Variants in HIP1 observed in about 807,000 individuals in gnomAD.
The protein encoded by HIP1 is huntingtin-interacting protein 1.
HIP1 carries 65 observed loss-of-function variants against 147.6 expected under a neutral mutation model. The ratio of observed to expected loss-of-function variants is 0.44; its 90% CI spans 0.36 to 0.54. The LOEUF is 0.54. Among genes scored for constraint, HIP1 ranks in the 20% least tolerant of loss-of-function variants. The pLI, the probability that HIP1 is intolerant of heterozygous loss-of-function variation, is 0.00. For synonymous variants in HIP1, 479 were observed against 504.0 expected (o/e 0.95, Z 0.67); for missense variants, 1,061 against 1,299.6 (o/e 0.82, Z 2.82).
At chr7:75,680,910 G>T (rs1554516778) in intron 1 of HIP1, among the ~76,000 whole-genome samples, 9 of 152,092 alleles carry the variant, frequency 5.9e-5, no homozygotes, top group Non-Finnish European at 2.9e-5. Context: ...CGAGTAGCTG[G>T]GACTACAGGC....
intron 5 of HIP1, 26 bp downstream of exon 5, chr7:75,586,727 C>T (rs369973011): frequency 1.9e-5 from 29 of 1,512,442 alleles, no homozygotes; most frequent in African/African-American, 5.5e-5. Flanking sequence ...GCGGCGGTGG[C>T]GGCAGAACTG....
At chr7:75,627,942 C>T (rs1303751153) in intron 1 of HIP1, among the ~76,000 whole-genome samples, 3 of 152,140 alleles carry the variant, frequency 2.0e-5, no homozygotes, top group Non-Finnish European at 4.4e-5. Context: ...AGGATTTCAG[C>T]CAGACTGTAA....
At chr7:75,586,721 CG>C (rs1554499699) in intron 5 of HIP1, 31 bp downstream of exon 5, 1 of 1,410,984 alleles carries the variant, frequency 7.1e-7, no homozygotes. Flanking sequence ...GGGGAGGCGG[CG>C]GTGGCGGCAG....
chr7:75,737,627 T>C (rs1802067807), intron 1 of HIP1, among the ~76,000 whole-genome samples: 2 of 152,194 alleles, frequency 1.3e-5, no homozygotes, highest in African/African-American at 2.4e-5. Context: ...ATTACAGGTG[T>C]GAGGTACCGC....
chr7:75,734,101 C>G (rs559028037), intron 1 of HIP1, among the ~76,000 whole-genome samples: 7 of 151,958 alleles, frequency 4.6e-5, no homozygotes, highest in African/African-American at 1.7e-4. Flanking sequence ...AAAAAATTAG[C>G]CGGGCGTGGT....
intron 5 of HIP1, among the ~76,000 whole-genome samples, 163 bp downstream of exon 5, chr7:75,586,590 C>T (rs1357344633): frequency 4.6e-5 from 7 of 152,150 alleles, no homozygotes; most frequent in East Asian, 3.8e-4. Flanking sequence ...GTGGGCCTGG[C>T]GGTGGCTTTC....
intron 1 of HIP1, among the ~76,000 whole-genome samples, chr7:75,645,319 C>T (rs530652560): frequency 1.8e-3 from 281 of 152,102 alleles, no homozygotes; most frequent in Admixed American, 4.1e-3. Context: ...CTCCAACTCC[C>T]GGGTTCAAGC....
intron 1 of HIP1, among the ~76,000 whole-genome samples, chr7:75,710,045 TTTTC>T (rs781870600): frequency 8.5e-5 from 13 of 152,072 alleles, no homozygotes; most frequent in Non-Finnish European, 1.9e-4. Flanking sequence ...CTAATTTTTC[TTTTC>T]TTTTTTATTT....
chr7:75,556,887 A>G (rs782119658), intron 16 of HIP1, 76 bp from the exon 17 acceptor site: 2 of 909,274 alleles, frequency 2.2e-6, no homozygotes, highest in Non-Finnish European at 3.6e-6. Context: ...AAAACGTCCC[A>G]AGCGATCAAC....
chr7:75,616,787 G>A (rs1398248484), intron 1 of HIP1, among the ~76,000 whole-genome samples: 2 of 152,192 alleles, frequency 1.3e-5, no homozygotes, highest in African/African-American at 4.8e-5. Context: ...CCATCACTTT[G>A]GGGTAAGGCA....
intron 1 of HIP1, among the ~76,000 whole-genome samples, chr7:75,676,226 TA>T (rs1714753281): frequency 6.6e-6 from 1 of 152,186 alleles, no homozygotes; most frequent in African/African-American, 2.4e-5. Flanking sequence ...AGTGGTTAGC[TA>T]ATGATTAGAC....
chr7:75,704,389 C>T (rs880002141), intron 1 of HIP1, among the ~76,000 whole-genome samples: 18 of 151,868 alleles, frequency 1.2e-4, no homozygotes, highest in Non-Finnish European at 2.2e-4. Flanking sequence ...GGATTACAGG[C>T]GCCCAGCACC....
At chr7:75,642,379 T>C (rs1584913195) in intron 1 of HIP1, among the ~76,000 whole-genome samples, 1 of 152,166 alleles carries the variant, frequency 6.6e-6, no homozygotes, top group East Asian at 1.9e-4. Flanking sequence ...CTACTAAAAA[T>C]ACAAAAATAT....
intron 1 of HIP1, among the ~76,000 whole-genome samples, chr7:75,735,460 G>A (rs1475091955): frequency 3.9e-5 from 6 of 152,036 alleles, no homozygotes; most frequent in Non-Finnish European, 7.4e-5. Flanking sequence ...ACAATAATTA[G>A]TTAGTTATTA....
chr7:75,579,787 A>G (rs782366370), intron 7 of HIP1, among the ~76,000 whole-genome samples: 2 of 152,196 alleles, frequency 1.3e-5, no homozygotes, highest in Non-Finnish European at 2.9e-5. Flanking sequence ...CCAAGCCCCA[A>G]GAGTGGGTCC....
intron 13 of HIP1, 74 bp downstream of exon 13, chr7:75,561,255 G>GTGTGATGCAAATTTAACATTCAAA (rs1488127493): frequency 1.8e-6 from 2 of 1,081,422 alleles, no homozygotes; most frequent in African/African-American, 3.1e-5. Flanking sequence ...TGCCTGGCTA[G>GTGTGATGCAAATTTAACATTCAAA]TGTGATGCAA....
intron 7 of HIP1, among the ~76,000 whole-genome samples, chr7:75,578,063 T>G (rs1251211350): frequency 2.0e-5 from 3 of 152,116 alleles, no homozygotes; most frequent in Non-Finnish European, 4.4e-5. Flanking sequence ...ACAAAAAAGA[T>G]GGCTGAGCTC....
chr7:75,569,079 A>G lies in HIP1; in HGVS notation c.746-823T>C, dbSNP rs587762926. On this transcript the variant is annotated intron_variant, in intron 8 of 30. Transcript: ENST00000336926. ...CTTGGTTGGTAGCTAACTCTATGAC[A>G]CTGCACACACCAGTAACCTCTTAGG... is the stretch of plus-strand genomic sequence containing the variant. Among the ~76,000 whole-genome samples the G allele has an allele frequency of 3.9e-5, 6 of 152,266 alleles. No homozygotes were observed. The South Asian group carries it at 1.2e-3, about 32-fold the overall frequency.
At chr7:75,575,812 G>A (rs1294918952) in intron 7 of HIP1, among the ~76,000 whole-genome samples, 3 of 152,070 alleles carry the variant, frequency 2.0e-5, no homozygotes, top group South Asian at 4.2e-4. Context: ...CTCTCCCCGC[G>A]GTCCCTCTGT....
Sources: allele counts gnomAD v4.1 joint callset (sites outside exome capture counted in the v4.1 genomes callset), GRCh38; gene constraint gnomAD v4.1.1; transcripts MANE v1.5; gene names NCBI Gene and HGNC (gene_info 2026-07-23, HGNC 2026-07-21).